The following SESTD1 variants were observed in gnomAD, a reference collection of about 807,000 sequenced individuals.
SESTD1 encodes the protein SEC14 and spectrin domain containing 1.
In SESTD1, 43 loss-of-function variants were observed where a neutral mutation model predicts 101.7. The observed-to-expected ratio is 0.42, with a 90% CI of 0.33 to 0.55. SESTD1 has a LOEUF of 0.55. SESTD1 is among the 20% of genes least tolerant of loss of function. SESTD1 has a pLI of 0.07. For synonymous variants in SESTD1, 283 were observed against 286.8 expected, an observed-to-expected ratio of 0.99 and a Z score of 0.13; for missense variants, 647 against 815.1, an observed-to-expected ratio of 0.79 and a Z score of 2.51.
In SESTD1 at chr2:179,155,105, G is replaced by A. The variant is rs1260049433; in HGVS notation, c.370-3714C>T. Among the ~76,000 whole-genome samples, 3 of 151,704 alleles carry A rather than the reference G, an allele frequency of 2.0e-5. No individual in the cohort carries two copies. The South Asian group carries it at 6.3e-4, about 32-fold the overall frequency. ...TTTTTTTTTGTTTTTTAGTAGAGACGAGGTTTTACCATGTTGGCCAGGCTG... is the reference window on the plus strand; with the variant it reads ...TTTTTTTTTGTTTTTTAGTAGAGACAAGGTTTTACCATGTTGGCCAGGCTG... On this transcript the variant is annotated intron_variant, in intron 5 of 17. Coordinates refer to ENST00000428443, the MANE Select transcript of SESTD1 (RefSeq NM_178123.5).
intron 1 of SESTD1, among the ~76,000 whole-genome samples, chr2:179,192,690 G>A (rs2046335700): frequency 6.6e-6 from 1 of 152,214 alleles, no homozygotes; most frequent in African/African-American, 2.4e-5. Flanking sequence ...GTTTTGCCAT[G>A]GCAGGCATTC....
At chr2:179,131,801 A>AC (rs2045019859) in intron 10 of SESTD1, among the ~76,000 whole-genome samples, 1 of 152,170 alleles carries the variant, frequency 6.6e-6, no homozygotes, top group African/African-American at 2.4e-5. Context: ...TTGTCTGATT[A>AC]CCCCTTTCAC....
Position 179,143,679 on chromosome 2 carries a change from G to T in SESTD1, c.762C>A (p.Leu254=). Residue 254 remains leucine, a synonymous_variant, in exon 9 of 18, where the codon CTC becomes CTA. Transcript: ENST00000428443. ...QPQVMKLLDS[L]REQYTRYQEV... ...CCTGGTAGCGGGTATATTGCTCTCG[G>T]AGTGAATCTAATAATTTCATAACCT... 1 of 1,613,900 alleles carries T rather than the reference G, an allele frequency of 6.2e-7. No individual in the cohort carries two copies. Among genetic ancestry groups the T allele is most frequent in the Non-Finnish European group, 8.5e-7 (1 of 1,179,904 alleles).
At chr2:179,234,116 C>T (rs1277157619) in intron 1 of SESTD1, among the ~76,000 whole-genome samples, 2 of 152,192 alleles carry the variant, frequency 1.3e-5, no homozygotes, top group East Asian at 3.9e-4. Flanking sequence ...AACAAAAAGA[C>T]TGACTCTCAG....
chr2:179,133,951 AAAT>A (rs1407304982), intron 9 of SESTD1, among the ~76,000 whole-genome samples: 64 of 152,232 alleles, frequency 4.2e-4, no homozygotes, highest in African/African-American at 1.2e-3. Context: ...TTAAAGATAC[AAAT>A]AATAAGCCAG....
At chr2:179,227,446 G>A (rs1371916443) in intron 1 of SESTD1, among the ~76,000 whole-genome samples, 1 of 152,002 alleles carries the variant, frequency 6.6e-6, no homozygotes, top group Non-Finnish European at 1.5e-5. Context: ...GATTCCTCTG[G>A]ACAGTCAAAA....
At chr2:179,192,428 T>C (rs908893957) in intron 1 of SESTD1, among the ~76,000 whole-genome samples, 10 of 152,166 alleles carry the variant, frequency 6.6e-5, no homozygotes, top group Non-Finnish European at 1.5e-4. Context: ...TCTCACTACA[T>C]TTTCTAATAC....
intron 1 of SESTD1, among the ~76,000 whole-genome samples, chr2:179,216,964 C>A (rs1204813307): frequency 2.0e-5 from 3 of 151,086 alleles, no homozygotes; most frequent in Non-Finnish European, 4.4e-5. Context: ...CTTCCTTAAA[C>A]CTTATATAAA....
chr2:179,199,859 T>C (rs1326151515), intron 1 of SESTD1, among the ~76,000 whole-genome samples: 6 of 152,198 alleles, frequency 3.9e-5, no homozygotes, highest in African/African-American at 9.7e-5. Flanking sequence ...CTTTGAAAAC[T>C]GGCACAAGAC....
intron 10 of SESTD1, among the ~76,000 whole-genome samples, chr2:179,125,163 C>T (rs1158717206): frequency 6.6e-6 from 1 of 152,128 alleles, no homozygotes; most frequent in East Asian, 1.9e-4. Context: ...GCCATAAAAA[C>T]GTGTCATCAT....
rs138054755 is a variant in SESTD1, at chr2:179,255,883, G to A, written c.-26+8616C>T. On this transcript the variant is annotated intron_variant, in intron 1 of 17. Transcript: ENST00000428443. Reference sequence around the variant, plus strand: ...TGACCTTAAGTGAAAGCCGATGCTCGTTTACCATTCTGAACTGACTGAAAT... The same window carrying A: ...TGACCTTAAGTGAAAGCCGATGCTCATTTACCATTCTGAACTGACTGAAAT... Among the ~76,000 whole-genome samples the A allele has an allele frequency of 3.2e-3, 491 of 152,284 alleles. 1 individual carries two copies. The highest frequency in any genetic ancestry group is 5.2e-3 in the Non-Finnish European group (351 of 68,012).
chr2:179,191,553 C>G (rs533285344), intron 2 of SESTD1, among the ~76,000 whole-genome samples: 3 of 152,202 alleles, frequency 2.0e-5, no homozygotes, highest in Non-Finnish European at 2.9e-5. Flanking sequence ...ATGCAACAGA[C>G]AGGCACATGT....
Position 179,143,755 on chromosome 2 carries a change from T to C in SESTD1, c.686A>G (p.Asp229Gly). The change falls in exon 9 of 18, where the codon GAC becomes GGC. Residue 229 changes from aspartate to glycine, a missense_variant. By Grantham distance (94) the Asp-to-Gly change is moderately conservative (BLOSUM62 -1). Transcript: ENST00000428443. The part of the protein sequence containing the change: ...ELQQRRFNGS[D>G]GGVSWSPMDD... The stretch of plus-strand genomic sequence containing the variant: ...CATAGGAGACCATGAAACCCCTCCG[T>C]CTGAGCCATTAAATCGACGCTGCTG... 1 of 1,613,992 alleles carries C rather than the reference T, an allele frequency of 6.2e-7. No homozygotes were observed. Among genetic ancestry groups the C allele is most frequent in the East Asian group, 2.2e-5 (1 of 44,864 alleles).
intron 1 of SESTD1, among the ~76,000 whole-genome samples, chr2:179,196,331 T>C (rs747205253): frequency 1.3e-5 from 2 of 152,156 alleles, no homozygotes; most frequent in African/African-American, 4.8e-5. Context: ...CGCTGACTGC[T>C]AGCACAGCAG....
Position 179,216,442 on chromosome 2 carries a change from C to A in SESTD1, c.-25-24576G>T, listed in dbSNP as rs1442898092. On this transcript the variant is annotated intron_variant, in intron 1 of 17. Coordinates refer to ENST00000428443, the MANE Select transcript of SESTD1 (RefSeq NM_178123.5). ...TTACAACGGATGTGAAGGACCTCTT[C>A]AAGGAGAACTACCAACCACTGCTCA... 1.5e-5 allele frequency among the ~76,000 whole-genome samples: 2 copies of A among 134,752 alleles called. 1 individual carries two copies. Among genetic ancestry groups the A allele is most frequent in the Non-Finnish European group, 3.2e-5 (2 of 62,798 alleles). 88.4% of individuals were successfully genotyped at this position (134,752 alleles called of 152,430 possible). A position where few individuals can be genotyped will look rare whatever the true frequency, so the allele number is the denominator to read the frequency against.
intron 1 of SESTD1, among the ~76,000 whole-genome samples, chr2:179,221,636 C>T (rs994133228): frequency 1.4e-5 from 2 of 147,372 alleles, no homozygotes; most frequent in Admixed American, 6.7e-5. Flanking sequence ...AAAAAAAATG[C>T]CCCAGGCATG....
intron 5 of SESTD1, among the ~76,000 whole-genome samples, chr2:179,159,331 G>A (rs986960402): frequency 6.6e-6 from 1 of 152,118 alleles, no homozygotes; most frequent in African/African-American, 2.4e-5. Flanking sequence ...GCTTCCCAGA[G>A]GACAAACCAA....
At chr2:179,221,281 T>C (rs1438709023) in intron 1 of SESTD1, among the ~76,000 whole-genome samples, 1 of 151,622 alleles carries the variant, frequency 6.6e-6, no homozygotes, top group Non-Finnish European at 1.5e-5. Context: ...CAGTGAGATG[T>C]ATGAGTTGCT....
chr2:179,242,911 T>C (rs1022153682), intron 1 of SESTD1, among the ~76,000 whole-genome samples: 2 of 151,994 alleles, frequency 1.3e-5, no homozygotes, highest in East Asian at 1.9e-4. Flanking sequence ...CATGACTAAG[T>C]CCTAAAAAGC....
Sources: allele counts gnomAD v4.1 joint callset (sites outside exome capture counted in the v4.1 genomes callset), GRCh38; gene constraint gnomAD v4.1.1; transcripts MANE v1.5; gene names NCBI Gene and HGNC (gene_info 2026-07-23, HGNC 2026-07-21).